The following LYPD6B variants were observed in gnomAD, a reference collection of about 807,000 sequenced individuals.
LYPD6B encodes the protein ly6/PLAUR domain-containing protein 6B.
LYPD6B carries 17 observed loss-of-function variants against 22.8 expected under a neutral mutation model. The ratio of observed to expected loss-of-function variants is 0.75; its 90% confidence interval spans 0.51 to 1.12. The LOEUF (loss-of-function observed/expected upper bound fraction) is 1.12. Ranked by LOEUF, LYPD6B falls within the 50% of genes most tolerant of loss-of-function variation. The probability of loss-of-function intolerance (pLI) is 0.00; values close to 1 mark genes in which losing one functional copy is unlikely to be tolerated. For synonymous variants in LYPD6B, 106 were observed against 91.6 expected (o/e 1.16, Z -0.90); for missense variants, 221 against 258.3 (o/e 0.86, Z 0.99).
intron 3 of LYPD6B, among the ~76,000 whole-genome samples, chr2:149,175,430 C>T (rs1287692934): frequency 6.6e-6 from 1 of 152,060 alleles, no homozygotes; most frequent in Non-Finnish European, 1.5e-5. Context: ...CTGGAAGTTG[C>T]TCTGGGTGAG....
intron 2 of LYPD6B, among the ~76,000 whole-genome samples, chr2:149,146,367 C>A (rs2105799198): frequency 6.6e-6 from 1 of 151,692 alleles, no homozygotes; most frequent in East Asian, 1.9e-4. Context: ...GGAAGGGGCA[C>A]TGTAGGGGGG....
chr2:149,052,112 A>G (rs1683587786), intron 1 of LYPD6B, among the ~76,000 whole-genome samples: 1 of 152,050 alleles, frequency 6.6e-6, no homozygotes. Context: ...GCTGGAGTAC[A>G]GTGGCACAGT....
chr2:149,175,319 A>G (rs1691216030), intron 3 of LYPD6B, among the ~76,000 whole-genome samples: 1 of 152,270 alleles, frequency 6.6e-6, no homozygotes, highest in East Asian at 1.9e-4. Flanking sequence ...TTGGGCATCC[A>G]AATATATCTA....
chr2:149,054,258 T>C (rs960200205), intron 1 of LYPD6B, among the ~76,000 whole-genome samples: 1 of 152,208 alleles, frequency 6.6e-6, no homozygotes, highest in Non-Finnish European at 1.5e-5. Flanking sequence ...TTGCTGATGA[T>C]TTTTTTGTCA....
chr2:149,139,803 C>T (rs934525063), intron 2 of LYPD6B, among the ~76,000 whole-genome samples: 1 of 151,994 alleles, frequency 6.6e-6, no homozygotes. Context: ...AGAGAGAGGC[C>T]CTTAAGTATT....
chr2:149,074,568 C>T (rs569615132), intron 1 of LYPD6B, among the ~76,000 whole-genome samples: 40 of 152,284 alleles, frequency 2.6e-4, no homozygotes, highest in African/African-American at 9.4e-4. Flanking sequence ...TCAAGGTGTG[C>T]TGATGGGCCC....
chr2:149,118,248 C>T (rs1687103018), intron 1 of LYPD6B: 1 of 152,184 alleles, frequency 6.6e-6, no homozygotes, highest in Non-Finnish European at 1.5e-5. Context: ...ACCACCACTA[C>T]CGAGGCTGGG....
intron 1 of LYPD6B, among the ~76,000 whole-genome samples, chr2:149,058,765 G>A (rs1023296640): frequency 2.0e-5 from 3 of 152,246 alleles, no homozygotes; most frequent in Middle Eastern, 3.4e-3. Context: ...GATGGCAGGC[G>A]TCTGCCACGA....
At chr2:149,057,600 C>T (rs1395331421) in intron 1 of LYPD6B, among the ~76,000 whole-genome samples, 1 of 152,054 alleles carries the variant, frequency 6.6e-6, no homozygotes, top group East Asian at 1.9e-4. Context: ...ATGTTGGCTT[C>T]TCTCTTGCAG....
intron 1 of LYPD6B, among the ~76,000 whole-genome samples, chr2:149,120,389 T>A (rs370579641): frequency 0.093 from 6,810 of 73,588 alleles, 349 homozygotes; most frequent in Non-Finnish European, 0.13. Flanking sequence ...ATATATTTTT[T>A]TTTTTTTTTT....
At chr2:149,060,121 G>A (rs1684005931) in intron 1 of LYPD6B, among the ~76,000 whole-genome samples, 1 of 152,132 alleles carries the variant, frequency 6.6e-6, no homozygotes, top group African/African-American at 2.4e-5. Context: ...TGCTGGTCAG[G>A]TCAGATGTTA....
chr2:149,077,799 T>A (rs985546560), intron 1 of LYPD6B, among the ~76,000 whole-genome samples: 3 of 152,196 alleles, frequency 2.0e-5, no homozygotes, highest in African/African-American at 7.2e-5. Context: ...AATTGCAAAT[T>A]TACTAATGTA....
intron 1 of LYPD6B, among the ~76,000 whole-genome samples, chr2:149,072,088 C>T (rs1272085803): frequency 6.6e-6 from 1 of 152,142 alleles, no homozygotes; most frequent in African/African-American, 2.4e-5. Context: ...CACACCACTA[C>T]ACCTGGCTAA....
At chr2:149,131,310 G>C (rs1688014106) in intron 2 of LYPD6B, 1 of 228,394 alleles carries the variant, frequency 4.4e-6, no homozygotes, top group Non-Finnish European at 8.4e-6. Context: ...AGATGGCTTT[G>C]AGTCCTAATC....
intron 4 of LYPD6B, chr2:149,205,963 C>T: frequency 2.2e-6 from 1 of 451,742 alleles, no homozygotes; most frequent in Non-Finnish European, 4.5e-6. Context: ...ATTTTACATA[C>T]ATATGTCTAG....
intron 1 of LYPD6B, among the ~76,000 whole-genome samples, chr2:149,071,082 T>C (rs1178745608): frequency 6.6e-6 from 1 of 152,252 alleles, no homozygotes; most frequent in Non-Finnish European, 1.5e-5. Flanking sequence ...GACTCCTGCG[T>C]GGCTTTGTAA....
intron 1 of LYPD6B, among the ~76,000 whole-genome samples, chr2:149,106,215 C>G (rs781762386): frequency 1.3e-5 from 2 of 151,926 alleles, no homozygotes; most frequent in Non-Finnish European, 2.9e-5. Context: ...ATTTTTGCAT[C>G]TATGTTCATG....
intron 1 of LYPD6B, among the ~76,000 whole-genome samples, chr2:149,042,651 G>A (rs1683134757): frequency 6.6e-6 from 1 of 152,170 alleles, no homozygotes; most frequent in Middle Eastern, 3.2e-3. Context: ...GGGGATTGGA[G>A]CTTACAGTCT....
chr2:149,188,419 T>C (rs754898345), intron 3 of LYPD6B, among the ~76,000 whole-genome samples: 4 of 152,278 alleles, frequency 2.6e-5, no homozygotes, highest in South Asian at 2.1e-4. Flanking sequence ...TCTGCTCCCA[T>C]GTTCTAAGCC....
Sources: gnomAD v4.1 joint callset for allele counts (sites outside exome capture counted in the v4.1 genomes callset) on GRCh38, gnomAD v4.1.1 for gene constraint, MANE v1.5 for transcripts, NCBI Gene and HGNC (gene_info 2026-07-23, HGNC 2026-07-21) for gene names.